CRYL1: variants seen among roughly 807,000 people sequenced by gnomAD.
The protein encoded by CRYL1 is crystallin lambda 1, also known as lambda-crystallin homolog.
A neutral mutation model predicts 36.6 loss-of-function variants in CRYL1; 29 were observed. The observed-to-expected ratio is 0.79, with a 90% confidence interval of 0.59 to 1.08. The LOEUF (loss-of-function observed/expected upper bound fraction) is 1.08, where lower values mean the gene tolerates loss of function less well. CRYL1 is among the 50% of genes least tolerant of loss of function. The probability of loss-of-function intolerance (pLI) is 0.00; values close to 1 mark genes in which losing one functional copy is unlikely to be tolerated. For synonymous variants in CRYL1, 152 were observed against 151.5 expected (o/e 1.00, Z -0.02); for missense variants, 411 against 407.9 (o/e 1.01, Z -0.06).
rs544915971 is a variant in CRYL1, at chr13:20,510,771, C to A, written c.149+1672G>T. On this transcript the variant is annotated intron_variant, in intron 2 of 7. Coordinates refer to ENST00000298248, the MANE Select transcript of CRYL1 (RefSeq NM_015974.3). The stretch of plus-strand genomic sequence containing the variant: ...GGGATTACAGGTGCCCGCCACCATG[C>A]CCAGATAATTTTTTTGATTTTAGTA... Among the ~76,000 whole-genome samples, 9 of 151,978 alleles carry A rather than the reference C, an allele frequency of 5.9e-5. No individual in the cohort carries two copies. In the South Asian group the frequency reaches 1.7e-3, roughly 28 times the overall value.
At chr13:20,501,366 C>T (rs1429243039) in intron 2 of CRYL1, among the ~76,000 whole-genome samples, 1 of 152,244 alleles carries the variant, frequency 6.6e-6, no homozygotes, top group African/African-American at 2.4e-5. Flanking sequence ...CGCTGAGCCA[C>T]ACTGGACCCC....
chr13:20,507,897 A>T (rs555158081), intron 2 of CRYL1, among the ~76,000 whole-genome samples: 3 of 149,142 alleles, frequency 2.0e-5, no homozygotes, highest in Non-Finnish European at 4.5e-5. Flanking sequence ...CAGCCTGGGC[A>T]ACAGAGCAAG....
At chr13:20,474,880 C>T (rs1043854326) in intron 3 of CRYL1, among the ~76,000 whole-genome samples, 1 of 152,154 alleles carries the variant, frequency 6.6e-6, no homozygotes, top group Non-Finnish European at 1.5e-5. Context: ...TTGACCTCCT[C>T]AACTCTGGAT....
At chr13:20,483,474 C>G (rs1053567262) in intron 3 of CRYL1, among the ~76,000 whole-genome samples, 3 of 152,054 alleles carry the variant, frequency 2.0e-5, no homozygotes, top group Non-Finnish European at 4.4e-5. Context: ...TCAGCTTTCT[C>G]ACTTGGACTG....
At chr13:20,460,974 C>T (rs1311698766) in intron 3 of CRYL1, among the ~76,000 whole-genome samples, 3 of 152,160 alleles carry the variant, frequency 2.0e-5, no homozygotes, top group Non-Finnish European at 4.4e-5. Flanking sequence ...CCAGCGGCGC[C>T]CTCCCCTGGG....
At chr13:20,452,223 G>A in intron 3 of CRYL1, among the ~76,000 whole-genome samples, 1 of 133,138 alleles carries the variant, frequency 7.5e-6, no homozygotes, top group South Asian at 2.5e-4. Context: ...TAAAAAAGAG[G>A]CAGACCATCA....
At chr13:20,483,867 A>G (rs1436566038) in intron 3 of CRYL1, among the ~76,000 whole-genome samples, 2 of 152,074 alleles carry the variant, frequency 1.3e-5, no homozygotes, top group African/African-American at 4.8e-5. Flanking sequence ...GCCAGGCTGG[A>G]GTGCAGTGGC....
chr13:20,419,663 T>C (rs562888663), intron 5 of CRYL1, among the ~76,000 whole-genome samples: 74 of 152,296 alleles, frequency 4.9e-4, no homozygotes, highest in Middle Eastern at 3.4e-3. Flanking sequence ...TGACCTCAAG[T>C]GATCCACCCA....
At chr13:20,497,139 T>C (rs1012222772) in intron 2 of CRYL1, among the ~76,000 whole-genome samples, 1 of 151,990 alleles carries the variant, frequency 6.6e-6, no homozygotes, top group Non-Finnish European at 1.5e-5. Context: ...GCGGTGCCAC[T>C]ACTAAAGAAA....
intron 5 of CRYL1, chr13:20,430,853 TA>T (rs2032043047): frequency 1.0e-6 from 1 of 985,120 alleles, no homozygotes; most frequent in African/African-American, 1.7e-5. Context: ...ATATTTTAAA[TA>T]AATCTCCAAA....
intron 2 of CRYL1, 101 bp from the exon 3 acceptor site, chr13:20,489,597 C>T: frequency 2.1e-6 from 3 of 1,426,796 alleles, no homozygotes; most frequent in Non-Finnish European, 2.9e-6. Context: ...CCAAGCAGAA[C>T]CACAGTGAGA....
chr13:20,525,834 G>A lies in CRYL1; in HGVS notation c.-40C>T. On this transcript the variant is annotated 5_prime_UTR_variant, in exon 1 of 8. Transcript: ENST00000298248. The surrounding 1 kb of genome is among the most constrained non-coding windows in gnomAD (Gnocchi z 4.3). Reference sequence around the variant, plus strand: ...CGCGGCGCCGCGGGCGCTGGGACCAGGCGCCGGCGGAGCTGCGAGCTCTGG... The same window carrying A: ...CGCGGCGCCGCGGGCGCTGGGACCAAGCGCCGGCGGAGCTGCGAGCTCTGG... The A allele has an allele frequency of 1.6e-6, 2 of 1,217,574 alleles. No individual in the cohort carries two copies. Among genetic ancestry groups the A allele is most frequent in the Non-Finnish European group, 2.0e-6 (2 of 977,544 alleles). The allele number at this position is 1,217,574 out of a possible 1,614,324, so 75.4% of individuals were successfully genotyped here. A position where few individuals can be genotyped will look rare whatever the true frequency, so the allele number is the denominator to read the frequency against.
intron 2 of CRYL1, among the ~76,000 whole-genome samples, chr13:20,511,859 T>A (rs886797967): frequency 6.6e-6 from 1 of 152,142 alleles, no homozygotes; most frequent in African/African-American, 2.4e-5. Flanking sequence ...AAAACAGCCC[T>A]CCGCATTCTT....
At chr13:20,499,464 C>G (rs151112344) in intron 2 of CRYL1, among the ~76,000 whole-genome samples, 1 of 148,436 alleles carries the variant, frequency 6.7e-6, no homozygotes, top group African/African-American at 2.5e-5. Context: ...CTGGCTAACA[C>G]GGTGAAACCC....
At chr13:20,509,773 C>CA (rs1300009802) in intron 2 of CRYL1, among the ~76,000 whole-genome samples, 6 of 151,978 alleles carry the variant, frequency 3.9e-5, no homozygotes, top group Non-Finnish European at 1.5e-5. Context: ...ACTAAAAATA[C>CA]AAAAAAATTA....
chr13:20,468,407 G>T (rs567750471), intron 3 of CRYL1, among the ~76,000 whole-genome samples: 11 of 152,034 alleles, frequency 7.2e-5, no homozygotes, highest in Non-Finnish European at 1.5e-4. Context: ...AACTACAGAT[G>T]CATGCCACCA....
intron 6 of CRYL1, among the ~76,000 whole-genome samples, chr13:20,411,265 A>T (rs2031515857): frequency 6.6e-6 from 1 of 152,200 alleles, no homozygotes; most frequent in Admixed American, 6.5e-5. Flanking sequence ...TGAAAACTAC[A>T]TCCGTCCACC....
At chr13:20,507,682 G>T (rs1376758746) in intron 2 of CRYL1, among the ~76,000 whole-genome samples, 1 of 152,168 alleles carries the variant, frequency 6.6e-6, no homozygotes, top group Admixed American at 6.5e-5. Flanking sequence ...ACTTTGGGAG[G>T]CCAAGGCAGG....
chr13:20,499,607 A>T (rs1389172573), intron 2 of CRYL1, among the ~76,000 whole-genome samples: 1 of 151,176 alleles, frequency 6.6e-6, no homozygotes, highest in African/African-American at 2.4e-5. Flanking sequence ...AGCCGAGATC[A>T]TGCCACTGCA....
Sources: allele counts gnomAD v4.1 joint callset (sites outside exome capture counted in the v4.1 genomes callset), GRCh38; gene constraint gnomAD v4.1.1; non-coding constraint Gnocchi (gnomAD v3.1); transcripts MANE v1.5; gene names NCBI Gene and HGNC (gene_info 2026-07-23, HGNC 2026-07-21).